The following SLC35D4 variants were observed in gnomAD, a reference collection of about 807,000 sequenced individuals.
SLC35D4 encodes UDP-N-acetylglucosamine transporter SLC35D4.
At chr18:23,281,379 G>A in the SLC35D4 span, among the ~76,000 whole-genome samples, 13 of 152,240 alleles carry the variant, frequency 8.5e-5, no homozygotes, top group South Asian at 1.2e-3. Context: ...ATGGAGTGCA[G>A]TGGCACAAAC....
At chr18:23,410,218 G>C in the SLC35D4 span, among the ~76,000 whole-genome samples, 17 of 152,098 alleles carry the variant, frequency 1.1e-4, no homozygotes, top group Non-Finnish European at 2.4e-4. Context: ...CGGTGGCTCA[G>C]GCCTATAATC....
At chr18:23,357,658 C>T in the SLC35D4 span, among the ~76,000 whole-genome samples, 5 of 152,278 alleles carry the variant, frequency 3.3e-5, no homozygotes, top group Non-Finnish European at 7.4e-5. Flanking sequence ...TTCACCACTA[C>T]GCTATTAATC....
the SLC35D4 span, among the ~76,000 whole-genome samples, chr18:23,428,159 A>G: frequency 6.6e-6 from 1 of 151,902 alleles, no homozygotes; most frequent in Non-Finnish European, 1.5e-5. Context: ...CCCAGAACTT[A>G]AAGTATAATA....
the SLC35D4 span, chr18:23,385,007 T>A: frequency 6.2e-7 from 1 of 1,613,846 alleles, no homozygotes; most frequent in Non-Finnish European, 8.5e-7. Flanking sequence ...TGAAAACACT[T>A]CTGGTACCCA....
the SLC35D4 span, among the ~76,000 whole-genome samples, chr18:23,432,437 CTT>C: frequency 6.6e-6 from 1 of 152,174 alleles, no homozygotes; most frequent in Non-Finnish European, 1.5e-5. Context: ...AATCCCAACA[CTT>C]TGGGAAGCCG....
At chr18:23,402,986 G>A in the SLC35D4 span, among the ~76,000 whole-genome samples, 1 of 152,018 alleles carries the variant, frequency 6.6e-6, no homozygotes, top group Non-Finnish European at 1.5e-5. Context: ...GGTGCCTATA[G>A]TCCCAGCTAC....
chr18:23,355,966 AGCAGAGTG>A, the SLC35D4 span, among the ~76,000 whole-genome samples: 1 of 152,212 alleles, frequency 6.6e-6, no homozygotes, highest in South Asian at 2.1e-4. Flanking sequence ...GATGAGGTCA[AGCAGAGTG>A]GTGATCGTGG....
At chr18:23,359,026 A>C in the SLC35D4 span, among the ~76,000 whole-genome samples, 1 of 152,188 alleles carries the variant, frequency 6.6e-6, no homozygotes, top group South Asian at 2.1e-4. Context: ...AGTCTGCTGC[A>C]AAACAACACT....
At chr18:23,340,640 G>C in the SLC35D4 span, among the ~76,000 whole-genome samples, 1 of 152,136 alleles carries the variant, frequency 6.6e-6, no homozygotes, top group African/African-American at 2.4e-5. Context: ...ATTTTCCCAG[G>C]GCCATAGAAA....
At chr18:23,248,828 C>CA in the SLC35D4 span, among the ~76,000 whole-genome samples, 4 of 152,044 alleles carry the variant, frequency 2.6e-5, no homozygotes, top group South Asian at 8.3e-4. Flanking sequence ...TCCATCTCAA[C>CA]AAAAAAGAAG....
chr18:23,293,762 G>A, the SLC35D4 span, among the ~76,000 whole-genome samples: 1 of 152,192 alleles, frequency 6.6e-6, no homozygotes, highest in Non-Finnish European at 1.5e-5. Context: ...AGAAAGAAGG[G>A]CAAAGGAAAG....
the SLC35D4 span, among the ~76,000 whole-genome samples, chr18:23,251,746 C>G: frequency 6.6e-6 from 1 of 152,094 alleles, no homozygotes; most frequent in Non-Finnish European, 1.5e-5. Context: ...GTTGTTCAAC[C>G]TTAAAGGAAA....
At chr18:23,364,934 G>A in the SLC35D4 span, among the ~76,000 whole-genome samples, 30 of 88,910 alleles carry the variant, frequency 3.4e-4, 3 homozygotes, top group East Asian at 1.1e-3. Flanking sequence ...AAAAAAAAAA[G>A]GACTCCTTTC....
chr18:23,259,050 C>G, the SLC35D4 span: 2 of 151,094 alleles, frequency 1.3e-5, no homozygotes, highest in African/African-American at 4.9e-5. Context: ...TTTGGCTGAT[C>G]GAAAGCTAGA....
chr18:23,273,304 C>G, the SLC35D4 span, among the ~76,000 whole-genome samples: 1 of 152,124 alleles, frequency 6.6e-6, no homozygotes, highest in Non-Finnish European at 1.5e-5. Context: ...TACTCCTCGA[C>G]TGCAAAAAGA....
chr18:23,416,127 C>G, the SLC35D4 span, among the ~76,000 whole-genome samples: 1 of 152,202 alleles, frequency 6.6e-6, no homozygotes, highest in Non-Finnish European at 1.5e-5. Flanking sequence ...AGGAGAATTG[C>G]TTGAACCCGG....
chr18:23,269,021 C>T, the SLC35D4 span, among the ~76,000 whole-genome samples: 3 of 152,186 alleles, frequency 2.0e-5, no homozygotes, highest in South Asian at 2.1e-4. Flanking sequence ...CTCACCGTTC[C>T]GTGGCCCAAT....
chr18:23,425,309 C>A, the SLC35D4 span, among the ~76,000 whole-genome samples: 1 of 152,086 alleles, frequency 6.6e-6, no homozygotes, highest in African/African-American at 2.4e-5. Flanking sequence ...TGATGTTGGC[C>A]AAGCTGGTCT....
chr18:23,334,893 C>A, the SLC35D4 span, among the ~76,000 whole-genome samples: 62 of 152,020 alleles, frequency 4.1e-4, no homozygotes, highest in Non-Finnish European at 6.9e-4. Context: ...GTAGTCCCAG[C>A]TACTCAGCAG....
Sources: gnomAD v4.1 joint callset for allele counts (sites outside exome capture counted in the v4.1 genomes callset) on GRCh38, gnomAD v4.1.1 for gene constraint, MANE v1.5 for transcripts, NCBI Gene and HGNC (gene_info 2026-07-23, HGNC 2026-07-21) for gene names.